Variants in TPRA1 observed in about 807,000 individuals in gnomAD.
TPRA1 encodes transmembrane protein adipocyte-associated 1.
TPRA1 carries 28 observed loss-of-function variants against 40.1 expected under a neutral mutation model. The observed-to-expected ratio is 0.70, with a 90% confidence interval of 0.52 to 0.96. TPRA1 has a LOEUF of 0.96. TPRA1 is among the 40% of genes least tolerant of loss of function. The pLI is 0.00. For missense variants in TPRA1, 441 were observed against 482.6 expected (o/e 0.91, Z 0.81); for synonymous variants, 219 against 209.7 (o/e 1.04, Z -0.38).
upstream of TPRA1, among the ~76,000 whole-genome samples, chr3:127,593,409 T>C (rs2074210644): frequency 6.6e-6 from 1 of 152,026 alleles, no homozygotes; most frequent in Non-Finnish European, 1.5e-5. Flanking sequence ...GCAAAGTGGG[T>C]GCAACTGTCA....
At chr3:127,596,831 T>C (rs1227436200) in intron 1 of TPRA1, among the ~76,000 whole-genome samples, 1 of 151,988 alleles carries the variant, frequency 6.6e-6, no homozygotes, top group Non-Finnish European at 1.5e-5. Context: ...AGACCCCACT[T>C]CCTGGCCGGG....
In TPRA1 at chr3:127,574,833, T is replaced by C. The variant is rs184818569; in HGVS notation, c.854+352A>G. 3 of 366,444 alleles carry C rather than the reference T, an allele frequency of 8.2e-6. No individual in the cohort carries two copies. In the Admixed American group the frequency reaches 1.3e-4, roughly 16 times the overall value. 22.7% of individuals were successfully genotyped at this position (366,444 alleles called of 1,614,324 possible). A position where few individuals can be genotyped will look rare whatever the true frequency, so the allele number is the denominator to read the frequency against. ...CATATATCTACATGTATGTATATGTTGAGCACGTGTTCATGTGTGTATGCA... is the reference window on the plus strand; with the variant it reads ...CATATATCTACATGTATGTATATGTCGAGCACGTGTTCATGTGTGTATGCA... On this transcript the variant is annotated intron_variant, in intron 10 of 10. Coordinates refer to ENST00000355552, the MANE Select transcript of TPRA1 (RefSeq NM_001136053.4).
At chr3:127,585,571 AG>A (rs2107655766) in intron 1 of TPRA1, among the ~76,000 whole-genome samples, 1 of 152,340 alleles carries the variant, frequency 6.6e-6, no homozygotes, top group South Asian at 2.1e-4. Flanking sequence ...CAGGTGGAAC[AG>A]AGGGACTTGG....
At position 127,579,828 on chromosome 3, in the gene TPRA1, A is replaced by G; in HGVS notation, c.170T>C (p.Phe57Ser). 2 of 1,614,084 alleles carry G rather than the reference A, an allele frequency of 1.2e-6. No individual in the cohort carries two copies. The highest frequency in any genetic ancestry group is 1.7e-6 in the Non-Finnish European group (2 of 1,180,030). ...AAGCTTCCAGAGCAGGAAGATGAGGAAGAGCACATTGGGGATGAGCAGCAA... is the reference window on the plus strand; with the variant it reads ...AAGCTTCCAGAGCAGGAAGATGAGGGAGAGCACATTGGGGATGAGCAGCAA... ...DLLLLIPNVL[F>S]LIFLLWKLPS... Residue 57 changes from phenylalanine to serine, a missense_variant, in exon 3 of 11, where the codon TTC becomes TCC. Phe to Ser is a radical substitution (Grantham distance 155). Coordinates refer to ENST00000355552, the MANE Select transcript of TPRA1 (RefSeq NM_001136053.4).
At chr3:127,592,747 C>T (rs1189004401), upstream of TPRA1, among the ~76,000 whole-genome samples, 32 of 152,232 alleles carry the variant, frequency 2.1e-4, 1 homozygote, top group Non-Finnish European at 1.5e-5. Context: ...TGGCATCAGC[C>T]CCAAGTGAGG....
chr3:127,590,784 A>C (rs1171361184), upstream of TPRA1: 2 of 151,830 alleles, frequency 1.3e-5, no homozygotes, highest in African/African-American at 4.8e-5. Flanking sequence ...CCGCCCTCTA[A>C]CCTCCAGCAG....
Position 127,576,025 on chromosome 3 carries a change from T to G in TPRA1, c.524A>C (p.Asp175Ala), listed in dbSNP as rs374409658. The G allele has an allele frequency of 6.2e-6, 10 of 1,613,858 alleles. No homozygotes were observed. Among genetic ancestry groups the G allele is most frequent in the African/African-American group, 1.3e-5 (1 of 74,920 alleles). ...AAAGTCCTCAGCTGAGAGATGGGCA[T>G]CAGGGTACAGGATCTCCAGGGTCCC... ...TQGTLEILYPDAHLSAEDFNI... is the reference protein window; with the variant it reads ...TQGTLEILYPAAHLSAEDFNI... Residue 175 changes from aspartate (D) to alanine (A), a missense_variant, in exon 7 of 11, where the codon GAT becomes GCT. Asp to Ala is a moderately radical substitution (Grantham distance 126). Transcript: ENST00000355552. The surrounding 1 kb of genome is among the most constrained non-coding windows in gnomAD (Gnocchi z 4.6).
chr3:127,585,632 A>C (rs966036409), intron 1 of TPRA1, among the ~76,000 whole-genome samples: 2 of 152,208 alleles, frequency 1.3e-5, no homozygotes, highest in Non-Finnish European at 2.9e-5. Context: ...GATCAAACAC[A>C]GGGAATGAGA....
chr3:127,575,835 G>A (rs375500296), intron 7 of TPRA1, 26 bp from the exon 8 acceptor site: 59 of 1,613,422 alleles, frequency 3.7e-5, no homozygotes, highest in Non-Finnish European at 4.9e-5. Context: ...GGGCTGAGAA[G>A]GTGCTGGGGG....
chr3:127,591,143 G>T (rs2074160353), upstream of TPRA1: 1 of 152,114 alleles, frequency 6.6e-6, no homozygotes, highest in African/African-American at 2.4e-5. Flanking sequence ...GCGTGCGGGC[G>T]CTTCGGGCGC....
chr3:127,592,643 C>G (rs2074198823), upstream of TPRA1, among the ~76,000 whole-genome samples: 1 of 152,062 alleles, frequency 6.6e-6, no homozygotes, highest in Non-Finnish European at 1.5e-5. Flanking sequence ...CCTCGGCCTC[C>G]CAAAGTGCTG....
chr3:127,598,176 C>T, exon 1 of TPRA1: 2 of 526,156 alleles, frequency 3.8e-6, no homozygotes, highest in Non-Finnish European at 6.8e-6. Context: ...CGTCGGGTCC[C>T]CTGGAGCCTC....
Position 127,579,789 on chromosome 3 carries a change from G to A in TPRA1, c.209C>T (p.Ala70Val), listed in dbSNP as rs770480334. The A allele has an allele frequency of 1.1e-5, 18 of 1,614,096 alleles. No homozygotes were observed. In the East Asian group the frequency reaches 2.9e-4, roughly 26 times the overall value. The change falls in exon 3 of 11, where the codon GCG becomes GTG. Residue 70 changes from alanine to valine, a missense_variant. Ala to Val is a moderately conservative substitution (Grantham distance 64). Transcript: ENST00000355552. ...FLLWKLPSAR[A>V]KIRITSSPIF... ...GGGGCTGGAGGTGATGCGGATCTTCGCCCGAGCAGATGGAAGCTTCCAGAG... is the reference window on the plus strand; with the variant it reads ...GGGGCTGGAGGTGATGCGGATCTTCACCCGAGCAGATGGAAGCTTCCAGAG...
In TPRA1 at chr3:127,575,269, CGGA is replaced by C. The variant is rs1420291955; in HGVS notation, c.774-7_774-5del. 6.8e-6 allele frequency: 11 copies of C among 1,613,286 alleles called. No homozygotes were observed. Among genetic ancestry groups the C allele is most frequent in the Admixed American group, 1.7e-5 (1 of 59,922 alleles). ...GAAGGTTGTGGCATCTACACAGCTGCGGAGAAGGCGGGTCAGCGCGGGGCCTCC... is the reference window on the plus strand; with the variant it reads ...GAAGGTTGTGGCATCTACACAGCTGCGAAGGCGGGTCAGCGCGGGGCCTCC... On this transcript the variant is annotated splice_region_variant and splice_polypyrimidine_tract_variant and intron_variant, in intron 9 of 10. Coordinates refer to ENST00000355552, the MANE Select transcript of TPRA1 (RefSeq NM_001136053.4).
At chr3:127,582,615 T>A (rs758537190) in intron 1 of TPRA1, among the ~76,000 whole-genome samples, 30 of 148,858 alleles carry the variant, frequency 2.0e-4, no homozygotes, top group Non-Finnish European at 3.9e-4. Context: ...GGCAGGAGAA[T>A]GGCTTGAACC....
intron 1 of TPRA1, among the ~76,000 whole-genome samples, chr3:127,582,928 G>A (rs771807296): frequency 6.6e-6 from 1 of 152,124 alleles, no homozygotes; most frequent in Non-Finnish European, 1.5e-5. Flanking sequence ...TGGATCACCT[G>A]AGGTCAGGAG....
At chr3:127,597,510 T>A (rs1477300885) in intron 1 of TPRA1, among the ~76,000 whole-genome samples, 1 of 152,212 alleles carries the variant, frequency 6.6e-6, no homozygotes, top group Non-Finnish European at 1.5e-5. Context: ...TCAAGTCTTG[T>A]CTGTTGCCCG....
intron 10 of TPRA1, 89 bp downstream of exon 10, chr3:127,575,096 G>A: frequency 7.0e-7 from 1 of 1,427,866 alleles, no homozygotes; most frequent in South Asian, 1.2e-5. Context: ...TGCATACACA[G>A]CCTCTCAGCT....
rs1559826109 is a variant in TPRA1, at chr3:127,572,666, T to C, written c.*855A>G. 6.6e-6 allele frequency among the ~76,000 whole-genome samples: 1 copy of C among 152,226 alleles called. No homozygotes were observed. The highest frequency in any genetic ancestry group is 1.5e-5 in the Non-Finnish European group (1 of 68,038). On this transcript the variant is annotated 3_prime_UTR_variant, in exon 11 of 11. Transcript: ENST00000355552. ...CTGTACGCCAGCCACTCGTGCTTAG[T>C]GTTTTCCAATCCTTACAAAAGGCCC...
Sources: allele counts gnomAD v4.1 joint callset (sites outside exome capture counted in the v4.1 genomes callset), GRCh38; gene constraint gnomAD v4.1.1; non-coding constraint Gnocchi (gnomAD v3.1); transcripts MANE v1.5; gene names NCBI Gene and HGNC (gene_info 2026-07-23, HGNC 2026-07-21).